The following GPC3 variants were observed in gnomAD, a reference collection of about 807,000 sequenced individuals.
GPC3 encodes glypican 3.
A neutral mutation model predicts 34.4 loss-of-function variants in GPC3; 3 were observed. The ratio of observed to expected loss-of-function variants is 0.09; its 90% CI spans 0.04 to 0.23. The LOEUF (loss-of-function observed/expected upper bound fraction) is 0.23, where lower values mean the gene tolerates loss of function less well. Ranked by LOEUF, GPC3 falls within the 10% of genes least tolerant of loss-of-function variation. The probability of loss-of-function intolerance (pLI) is 1.00; values close to 1 mark genes in which losing one functional copy is unlikely to be tolerated. For missense variants in GPC3, 351 were observed against 445.6 expected, an observed-to-expected ratio of 0.79 and a Z score of 1.91; for synonymous variants, 177 against 174.0, an observed-to-expected ratio of 1.02 and a Z score of -0.13.
chrX:133,956,216 T>TA (rs1166256175), intron 1 of GPC3, among the ~76,000 whole-genome samples: 3 of 112,374 alleles, frequency 2.7e-5, no homozygotes, highest in Non-Finnish European at 5.6e-5. Context: ...TCTGCAGACA[T>TA]AGAGTTCAGA....
chrX:133,664,447 T>C (rs1160958527), intron 5 of GPC3, among the ~76,000 whole-genome samples: 1 of 112,119 alleles, frequency 8.9e-6, no homozygotes. Flanking sequence ...TTTGGTCCTA[T>C]AAAAAATATG....
chrX:133,686,809 G>A (rs183146130), intron 5 of GPC3, among the ~76,000 whole-genome samples: 1,634 of 108,833 alleles, frequency 0.015, 42 homozygotes, highest in African/African-American at 0.052. Context: ...ACACACTTGC[G>A]CCTGCACACA....
intron 2 of GPC3, among the ~76,000 whole-genome samples, chrX:133,801,293 C>T (rs930719491): frequency 2.2e-4 from 25 of 111,329 alleles, no homozygotes; most frequent in African/African-American, 8.2e-4. Flanking sequence ...GCCAGAGATG[C>T]TCTTTGAAAT....
chrX:133,807,750 A>G (rs1399988670), intron 2 of GPC3, among the ~76,000 whole-genome samples: 1 of 112,560 alleles, frequency 8.9e-6, no homozygotes, highest in Non-Finnish European at 1.9e-5. Context: ...CAAATCTGCA[A>G]AAAAATAATA....
chrX:133,761,720 A>C (rs1185264289), intron 2 of GPC3, among the ~76,000 whole-genome samples: 1 of 111,910 alleles, frequency 8.9e-6, no homozygotes, highest in Non-Finnish European at 1.9e-5. Context: ...TAGAAAATGT[A>C]TGAGTCTGCA....
chrX:133,857,432 T>C (rs944947836), intron 2 of GPC3, among the ~76,000 whole-genome samples: 14 of 112,093 alleles, frequency 1.2e-4, no homozygotes, highest in African/African-American at 4.5e-4. Context: ...TTAGAAAACA[T>C]TCAAATAGAA....
chrX:133,594,896 CA>C (rs1246210554), intron 7 of GPC3, among the ~76,000 whole-genome samples: 1 of 108,611 alleles, frequency 9.2e-6, no homozygotes, highest in East Asian at 2.9e-4. Flanking sequence ...ATAAATAAAT[CA>C]TAAAAAAAAG....
chrX:133,873,600 T>C (rs1435975104), intron 2 of GPC3, among the ~76,000 whole-genome samples: 1 of 111,405 alleles, frequency 9.0e-6, no homozygotes, highest in Non-Finnish European at 1.9e-5. Flanking sequence ...AAATACTATC[T>C]ATATAAGGGC....
At chrX:133,736,263 C>A (rs1045361437) in intron 3 of GPC3, among the ~76,000 whole-genome samples, 2 of 111,900 alleles carry the variant, frequency 1.8e-5, no homozygotes. Flanking sequence ...AATTGGAACC[C>A]TCACATTGTT....
chrX:133,564,842 G>C (rs2069569186), intron 7 of GPC3, among the ~76,000 whole-genome samples: 1 of 112,000 alleles, frequency 8.9e-6, no homozygotes, highest in Admixed American at 9.5e-5. Flanking sequence ...CACTTTAACT[G>C]TGCATGCCAA....
At chrX:133,859,317 C>T (rs1374638757) in intron 2 of GPC3, among the ~76,000 whole-genome samples, 1 of 110,853 alleles carries the variant, frequency 9.0e-6, no homozygotes, top group Admixed American at 9.6e-5. Flanking sequence ...AGCCAGTCTT[C>T]CTGGAGAGGA....
At chrX:133,976,761 T>C (rs1270922811) in intron 1 of GPC3, among the ~76,000 whole-genome samples, 3 of 108,633 alleles carry the variant, frequency 2.8e-5, no homozygotes, top group East Asian at 2.9e-4. Context: ...CTACTAAAAA[T>C]ACAAAAATTA....
intron 2 of GPC3, among the ~76,000 whole-genome samples, chrX:133,793,931 T>C (rs1161457741): frequency 9.0e-6 from 1 of 111,719 alleles, no homozygotes. Context: ...TCATTTTCAG[T>C]TGGGCCCCCT....
intron 2 of GPC3, among the ~76,000 whole-genome samples, chrX:133,769,212 G>C (rs2071886823): frequency 8.9e-6 from 1 of 111,815 alleles, no homozygotes. Context: ...GAGAGGAATG[G>C]TGGTTTTCAG....
intron 6 of GPC3, among the ~76,000 whole-genome samples, chrX:133,634,287 A>G (rs1467925491): frequency 8.9e-6 from 1 of 112,104 alleles, no homozygotes; most frequent in Non-Finnish European, 1.9e-5. Context: ...AAAAAGTTAA[A>G]CATATATTTA....
At chrX:133,858,897 T>C (rs1332174633) in intron 2 of GPC3, among the ~76,000 whole-genome samples, 1 of 109,717 alleles carries the variant, frequency 9.1e-6, no homozygotes, top group African/African-American at 3.3e-5. Flanking sequence ...CTGGCTAACA[T>C]GGTGAAACCC....
intron 2 of GPC3, among the ~76,000 whole-genome samples, chrX:133,755,715 G>GT (rs912592179): frequency 1.8e-5 from 2 of 111,152 alleles, no homozygotes; most frequent in Non-Finnish European, 3.8e-5. Flanking sequence ...TGTTCACTTG[G>GT]TTTTTTTGTT....
Position 133,968,059 on chromosome X carries a change from GCAATGATGGAAA to G in GPC3, c.176-14860_176-14849del, listed in dbSNP as rs1292698802. ...GTAGCTGATGCTACACTGGGTTGAG[GCAATGATGGAAA>G]CAGGTTGATACAATCATTGAGGCAG... On this transcript the variant is annotated intron_variant, in intron 1 of 7. Transcript: ENST00000370818. Among the ~76,000 whole-genome samples, 143 of 112,744 alleles carry G rather than the reference GCAATGATGGAAA, an allele frequency of 1.3e-3. 1 individual carries two copies. The highest frequency in any genetic ancestry group is 4.5e-3 in the African/African-American group (139 of 30,982).
In GPC3 at chrX:133,903,590, AAAAC is replaced by A. The variant is rs544091440; in HGVS notation, c.337+49456_337+49459del. Among the ~76,000 whole-genome samples, 694 of 112,247 alleles carry A rather than the reference AAAAC, an allele frequency of 6.2e-3. 5 individuals are homozygous for A. Among genetic ancestry groups the A allele is most frequent in the African/African-American group, 0.019 (581 of 30,905 alleles). On this transcript the variant is annotated intron_variant, in intron 2 of 7. Coordinates refer to ENST00000370818, the MANE Select transcript of GPC3 (RefSeq NM_004484.4). ...GGCGACAAGAGCGAAACTCTGTCTG[AAAAC>A]AAACAAACAAACAAACAAACAAATA...
Sources: gnomAD v4.1 joint callset for allele counts (sites outside exome capture counted in the v4.1 genomes callset) on GRCh38, gnomAD v4.1.1 for gene constraint, MANE v1.5 for transcripts, NCBI Gene and HGNC (gene_info 2026-07-23, HGNC 2026-07-21) for gene names.